The following CCDC178 variants were observed in gnomAD, a reference collection of about 807,000 sequenced individuals.
CCDC178 encodes coiled-coil domain-containing protein 178.
CCDC178 carries 126 observed loss-of-function variants against 117.4 expected under a neutral mutation model. The observed-to-expected ratio is 1.07, with a 90% CI of 0.93 to 1.24. The LOEUF is 1.24. CCDC178 is among the 50% of genes most tolerant of loss of function. The pLI, the probability that CCDC178 is intolerant of heterozygous loss-of-function variation, is 0.00. For synonymous variants in CCDC178, 283 were observed against 313.4 expected, an observed-to-expected ratio of 0.90 and a Z score of 1.02; for missense variants, 1,030 against 986.9, an observed-to-expected ratio of 1.04 and a Z score of -0.59.
intron 21 of CCDC178, 144 bp from the exon 22 acceptor site, chr18:32,974,825 GTC>G: frequency 1.3e-6 from 1 of 765,342 alleles, no homozygotes; most frequent in Non-Finnish European, 2.0e-6. Context: ...GAATTTCACA[GTC>G]TCTTGATTTT....
intron 21 of CCDC178, among the ~76,000 whole-genome samples, chr18:32,988,054 G>A (rs1365240357): frequency 1.3e-5 from 2 of 148,990 alleles, no homozygotes; most frequent in Non-Finnish European, 3.0e-5. Flanking sequence ...TCCAGCCTGG[G>A]CAACAAGAGT....
intron 20 of CCDC178, among the ~76,000 whole-genome samples, chr18:33,162,148 C>G (rs1318401917): frequency 6.6e-6 from 1 of 151,966 alleles, no homozygotes; most frequent in African/African-American, 2.4e-5. Context: ...CACATGGACA[C>G]AGGAAAGGGA....
At chr18:33,345,675 G>C (rs2062882181) in intron 9 of CCDC178, among the ~76,000 whole-genome samples, 1 of 152,092 alleles carries the variant, frequency 6.6e-6, no homozygotes, top group African/African-American at 2.4e-5. Flanking sequence ...CCAAATGTTT[G>C]CATGCTCTGT....
chr18:33,004,820 T>C (rs1180760243), intron 21 of CCDC178, among the ~76,000 whole-genome samples: 1 of 152,082 alleles, frequency 6.6e-6, no homozygotes, highest in Admixed American at 6.6e-5. Flanking sequence ...AATAGGCATG[T>C]CTCAAAAGAA....
intron 16 of CCDC178, 52 bp from the exon 17 acceptor site, chr18:33,224,988 T>G: frequency 7.5e-7 from 1 of 1,335,330 alleles, no homozygotes; most frequent in East Asian, 2.6e-5. Flanking sequence ...TAAACATTTA[T>G]TGAGCCTCTT....
At chr18:33,019,743 C>T (rs921853859) in intron 21 of CCDC178, among the ~76,000 whole-genome samples, 36 of 151,942 alleles carry the variant, frequency 2.4e-4, no homozygotes, top group African/African-American at 8.5e-4. Context: ...GTGATAAAAT[C>T]AGGAGACATG....
At chr18:32,946,466 T>C (rs527285137) in intron 22 of CCDC178, among the ~76,000 whole-genome samples, 7 of 152,160 alleles carry the variant, frequency 4.6e-5, no homozygotes, top group Non-Finnish European at 7.4e-5. Flanking sequence ...GAATGAAATA[T>C]ATGGTTATTA....
rs771744554 is a variant in CCDC178 at position 33,092,773 on chromosome 18, T to G, written c.2376A>C (p.Arg792Ser). ...GAAAAACCAATACCTGTTTCTTATCTCTAATTGAAGTATCAAGTGATAGCT... is the reference window on the plus strand; with the variant it reads ...GAAAAACCAATACCTGTTTCTTATCGCTAATTGAAGTATCAAGTGATAGCT... ...DKQLSLDTSI[R>S]DKKQLCQLQR... The change falls in exon 21 of 23, where the codon AGA (arginine) becomes AGC (serine). Residue 792 changes from arginine (R) to serine (S), a missense_variant. Transcript: ENST00000383096. The G allele has an allele frequency of 6.5e-7, 1 of 1,530,658 alleles. No homozygotes were observed. Among genetic ancestry groups the G allele is most frequent in the Non-Finnish European group, 8.9e-7 (1 of 1,120,474 alleles). 94.8% of individuals were successfully genotyped at this position (1,530,658 alleles called of 1,614,324 possible). A position where few individuals can be genotyped will look rare whatever the true frequency, so the allele number is the denominator to read the frequency against.
intron 11 of CCDC178, among the ~76,000 whole-genome samples, chr18:33,299,502 A>C (rs1047939202): frequency 6.8e-6 from 1 of 146,100 alleles, no homozygotes; most frequent in Admixed American, 6.9e-5. Context: ...AACTAGTATA[A>C]ACACACACAC....
intron 20 of CCDC178, among the ~76,000 whole-genome samples, chr18:33,101,371 T>C (rs2057625895): frequency 6.6e-6 from 1 of 151,808 alleles, no homozygotes; most frequent in South Asian, 2.1e-4. Context: ...ACCTCCTGAT[T>C]TGAACAGTTT....
chr18:33,043,343 T>C (rs1289148680), intron 21 of CCDC178, among the ~76,000 whole-genome samples: 2 of 152,094 alleles, frequency 1.3e-5, no homozygotes. Flanking sequence ...ATATGTTTAT[T>C]CTGACAAACA....
intron 18 of CCDC178, among the ~76,000 whole-genome samples, chr18:33,221,223 G>A (rs941317457): frequency 2.6e-5 from 4 of 152,044 alleles, no homozygotes; most frequent in Non-Finnish European, 5.9e-5. Flanking sequence ...TCATGCAGAA[G>A]ACAACAGCAT....
chr18:32,947,520 T>G (rs1457316323), intron 22 of CCDC178, among the ~76,000 whole-genome samples: 1 of 152,218 alleles, frequency 6.6e-6, no homozygotes, highest in Non-Finnish European at 1.5e-5. Context: ...AATTGTCTAT[T>G]CAAATCTTTT....
At chr18:33,352,707 T>C (rs1314120392) in intron 7 of CCDC178, among the ~76,000 whole-genome samples, 14 of 152,182 alleles carry the variant, frequency 9.2e-5, no homozygotes, top group Admixed American at 9.2e-4. Context: ...AATTTCCACA[T>C]ATATATGAAA....
intron 18 of CCDC178, among the ~76,000 whole-genome samples, chr18:33,217,588 T>C (rs908441658): frequency 1.3e-5 from 2 of 151,962 alleles, no homozygotes; most frequent in Admixed American, 1.3e-4. Flanking sequence ...TTGGCCTATG[T>C]CATAAATTTT....
At chr18:33,269,053 C>T (rs150510492) in intron 12 of CCDC178, among the ~76,000 whole-genome samples, 118 of 151,804 alleles carry the variant, frequency 7.8e-4, no homozygotes, top group African/African-American at 2.7e-3. Context: ...TTCAAAGCCT[C>T]GTTCTCAAAA....
intron 12 of CCDC178, among the ~76,000 whole-genome samples, chr18:33,284,555 A>G (rs551637796): frequency 1.9e-4 from 29 of 152,324 alleles, no homozygotes; most frequent in African/African-American, 6.5e-4. Context: ...ATATACAAAA[A>G]AAATGAACAG....
intron 21 of CCDC178, among the ~76,000 whole-genome samples, chr18:32,987,078 T>C (rs1409619271): frequency 1.3e-5 from 2 of 150,356 alleles, no homozygotes; most frequent in African/African-American, 4.9e-5. Context: ...AAAAGGCAGG[T>C]AGAGAGAAAA....
intron 20 of CCDC178, among the ~76,000 whole-genome samples, chr18:33,102,073 T>C (rs1443291767): frequency 1.3e-5 from 2 of 151,896 alleles, no homozygotes; most frequent in Non-Finnish European, 2.9e-5. Context: ...AATTAAAACC[T>C]TTCTTCACGT....
Sources: allele counts gnomAD v4.1 joint callset (sites outside exome capture counted in the v4.1 genomes callset), GRCh38; gene constraint gnomAD v4.1.1; transcripts MANE v1.5; gene names NCBI Gene and HGNC (gene_info 2026-07-23, HGNC 2026-07-21).